Variants in ERBB4 observed in about 807,000 individuals in gnomAD.
ERBB4 encodes erb-b2 receptor tyrosine kinase 4, also known as receptor tyrosine-protein kinase erbB-4.
ERBB4 carries 42 observed loss-of-function variants against 158.0 expected under a neutral mutation model. That is an observed-to-expected ratio of 0.27 (90% confidence interval 0.21 to 0.34). The LOEUF (loss-of-function observed/expected upper bound fraction) is 0.34. Among genes scored for constraint, ERBB4 ranks in the 10% least tolerant of loss-of-function variants. ERBB4 has a pLI of 1.00. For synonymous variants in ERBB4, 583 were observed against 558.7 expected, an observed-to-expected ratio of 1.04 and a Z score of -0.61; for missense variants, 1,333 against 1,624.1, an observed-to-expected ratio of 0.82 and a Z score of 3.08.
intron 1 of ERBB4, among the ~76,000 whole-genome samples, chr2:212,383,333 G>A (rs1485363888): frequency 6.6e-6 from 1 of 151,228 alleles, no homozygotes; most frequent in East Asian, 1.9e-4. Context: ...AAGAATATAG[G>A]CACATATTTA....
chr2:212,479,741 T>C (rs1689591406), intron 1 of ERBB4, among the ~76,000 whole-genome samples: 1 of 152,100 alleles, frequency 6.6e-6, no homozygotes, highest in Admixed American at 6.6e-5. Context: ...TGATAGAAAA[T>C]GCATTTAAAA....
intron 2 of ERBB4, among the ~76,000 whole-genome samples, chr2:212,015,280 A>G (rs1282451834): frequency 6.6e-6 from 1 of 151,090 alleles, no homozygotes; most frequent in African/African-American, 2.4e-5. Flanking sequence ...AAATAAAATA[A>G]AATAAAAATA....
At chr2:211,522,769 T>TA (rs1211044419) in intron 20 of ERBB4, among the ~76,000 whole-genome samples, 2 of 152,132 alleles carry the variant, frequency 1.3e-5, no homozygotes, top group African/African-American at 4.8e-5. Flanking sequence ...TTTTTAGCAA[T>TA]AAAGTATTTT....
chr2:212,129,432 T>C (rs2080040728), intron 1 of ERBB4, among the ~76,000 whole-genome samples: 1 of 151,244 alleles, frequency 6.6e-6, no homozygotes, highest in South Asian at 2.1e-4. Context: ...CAATATAATA[T>C]AATATTATAC....
rs540225981 is a variant in ERBB4, at chr2:211,754,505, A to C, written c.557-3801T>G. On this transcript the variant is annotated intron_variant, in intron 4 of 27. Transcript: ENST00000342788. ...CAACCTCTGCCTCCCAGGTTCAAGCAATTCTCTGCCTCAGCCTCCCGAGTA... is the reference window on the plus strand; with the variant it reads ...CAACCTCTGCCTCCCAGGTTCAAGCCATTCTCTGCCTCAGCCTCCCGAGTA... Among the ~76,000 whole-genome samples, 9 of 148,074 alleles carry C rather than the reference A, an allele frequency of 6.1e-5. No individual in the cohort carries two copies. The South Asian group carries it at 1.7e-3, about 28-fold the overall frequency.
rs563112217 is a variant in ERBB4, at chr2:212,240,837, G to A, written c.83-115934C>T. ...AAAATACACAAGTTCACATCTTTGGGTCTTGATGTTAAAAGCCTTCCATGT... is the reference window on the plus strand; with the variant it reads ...AAAATACACAAGTTCACATCTTTGGATCTTGATGTTAAAAGCCTTCCATGT... On this transcript the variant is annotated intron_variant, in intron 1 of 27. Coordinates refer to ENST00000342788, the MANE Select transcript of ERBB4 (RefSeq NM_005235.3). 6.6e-5 allele frequency among the ~76,000 whole-genome samples: 10 copies of A among 151,820 alleles called. No individual in the cohort carries two copies. In the South Asian group the frequency reaches 1.5e-3, roughly 22 times the overall value.
chr2:211,708,668 A>G (rs774392864), intron 9 of ERBB4, among the ~76,000 whole-genome samples: 2 of 146,626 alleles, frequency 1.4e-5, no homozygotes, highest in Non-Finnish European at 3.0e-5. Context: ...CCTTCCCTGC[A>G]CTTCCAACCT....
At chr2:211,888,308 A>G (rs1476171243) in intron 3 of ERBB4, among the ~76,000 whole-genome samples, 1 of 151,896 alleles carries the variant, frequency 6.6e-6, no homozygotes, top group African/African-American at 2.4e-5. Context: ...AATATGGTAC[A>G]TTAGCATAAA....
chr2:211,459,342 A>AT (rs1173066813), intron 20 of ERBB4, among the ~76,000 whole-genome samples: 4 of 152,116 alleles, frequency 2.6e-5, no homozygotes, highest in African/African-American at 4.8e-5. Flanking sequence ...TTTCTTTCAT[A>AT]TTTTTTCTAT....
chr2:212,048,864 T>G (rs965163815), intron 2 of ERBB4, among the ~76,000 whole-genome samples: 18 of 152,198 alleles, frequency 1.2e-4, no homozygotes, highest in Non-Finnish European at 1.3e-4. Flanking sequence ...ATATTCCCCT[T>G]AAGCATTCGA....
rs62184534 is a variant in ERBB4 at position 211,885,301 on chromosome 2, A to G, written c.421+62129T>C. 6.7e-3 allele frequency among the ~76,000 whole-genome samples: 1,018 copies of G among 152,298 alleles called. 10 individuals carry two copies. The highest frequency in any genetic ancestry group is 0.011 in the Non-Finnish European group (749 of 68,006). On this transcript the variant is annotated intron_variant, in intron 3 of 27. Transcript: ENST00000342788. ...ATTTCTTCTCCTAGGCCTGAAAGAA[A>G]GTCAATAAATGAATCTCTAAAGCTT...
At chr2:211,636,503 G>C (rs2070367343) in intron 16 of ERBB4, among the ~76,000 whole-genome samples, 1 of 151,846 alleles carries the variant, frequency 6.6e-6, no homozygotes, top group African/African-American at 2.4e-5. Context: ...ATCATTTCTA[G>C]CATTATCATT....
intron 3 of ERBB4, among the ~76,000 whole-genome samples, chr2:211,847,607 T>C (rs1177119015): frequency 1.3e-5 from 2 of 151,088 alleles, no homozygotes; most frequent in East Asian, 1.9e-4. Flanking sequence ...CAAAACAAAT[T>C]TGTAAACTTT....
At chr2:212,060,283 T>C (rs891118919) in intron 2 of ERBB4, among the ~76,000 whole-genome samples, 1 of 151,960 alleles carries the variant, frequency 6.6e-6, no homozygotes, top group Non-Finnish European at 1.5e-5. Context: ...CCAGTTAGAA[T>C]GGCGATCATT....
chr2:211,726,731 C>G (rs1184820305), intron 5 of ERBB4, among the ~76,000 whole-genome samples: 9 of 152,106 alleles, frequency 5.9e-5, no homozygotes, highest in Admixed American at 5.9e-4. Flanking sequence ...GTTAATCCTC[C>G]ACAATGCCCT....
intron 3 of ERBB4, among the ~76,000 whole-genome samples, chr2:211,929,185 G>C (rs776284060): frequency 6.6e-6 from 1 of 151,572 alleles, no homozygotes; most frequent in Non-Finnish European, 1.5e-5. Context: ...ACTGTGGCAG[G>C]TATCTCCACA....
At chr2:212,506,784 T>C (rs114686372) in intron 1 of ERBB4, among the ~76,000 whole-genome samples, 2,917 of 152,222 alleles carry the variant, frequency 0.019, 60 homozygotes, top group Admixed American at 0.044. Context: ...ATAGAAGCTG[T>C]CTCCATAACA....
chr2:211,610,718 C>T (rs1364037677), intron 19 of ERBB4, among the ~76,000 whole-genome samples: 1 of 152,130 alleles, frequency 6.6e-6, no homozygotes, highest in Non-Finnish European at 1.5e-5. Flanking sequence ...GGTTAGAGAG[C>T]TGGAAAATAC....
chr2:212,295,244 T>C (rs758813891), intron 1 of ERBB4, among the ~76,000 whole-genome samples: 3 of 152,082 alleles, frequency 2.0e-5, no homozygotes, highest in Non-Finnish European at 2.9e-5. Context: ...AATATCAATC[T>C]CTACCTAATA....
Sources: gnomAD v4.1 joint callset for allele counts (sites outside exome capture counted in the v4.1 genomes callset) on GRCh38, gnomAD v4.1.1 for gene constraint, MANE v1.5 for transcripts, NCBI Gene and HGNC (gene_info 2026-07-23, HGNC 2026-07-21) for gene names.